The following WNT7B variants were observed in gnomAD, a reference collection of about 807,000 sequenced individuals.
WNT7B encodes protein Wnt-7b.
A neutral mutation model predicts 38.2 loss-of-function variants in WNT7B; 19 were observed. The observed-to-expected ratio is 0.50, with a 90% CI of 0.35 to 0.73. The LOEUF is 0.73. WNT7B is among the 30% of genes least tolerant of loss of function. WNT7B has a pLI of 0.01. For synonymous variants in WNT7B, 243 were observed against 209.3 expected (o/e 1.16, Z -1.39); for missense variants, 423 against 507.9 (o/e 0.83, Z 1.61).
intron 2 of WNT7B, among the ~76,000 whole-genome samples, chr22:45,932,703 C>G (rs920207351): frequency 1.3e-5 from 2 of 152,192 alleles, no homozygotes; most frequent in Admixed American, 1.3e-4. Context: ...ATGTGGACAC[C>G]GAGCAGGCTC....
At chr22:45,955,401 C>A (rs1438275622) in intron 1 of WNT7B, among the ~76,000 whole-genome samples, 1 of 152,198 alleles carries the variant, frequency 6.6e-6, no homozygotes, top group African/African-American at 2.4e-5. Context: ...GAGAGCCGTG[C>A]GGGTAGTGTG....
rs148270201 is a variant in WNT7B at position 45,935,762 on chromosome 22, T to A, written c.299-4393A>T. ...GACAGCCCCATTCTGATCAGACCCATTTCACAGATGGGAAAACCGAGCCTT... is the reference window on the plus strand; with the variant it reads ...GACAGCCCCATTCTGATCAGACCCAATTCACAGATGGGAAAACCGAGCCTT... On this transcript the variant is annotated intron_variant, in intron 2 of 3. Transcript: ENST00000339464. 8.9e-5 allele frequency: 86 copies of A among 964,488 alleles called. 1 individual carries two copies. The East Asian group carries it at 7.1e-3, about 80-fold the overall frequency. 59.7% of individuals were successfully genotyped at this position (964,488 alleles called of 1,614,324 possible). A position where few individuals can be genotyped will look rare whatever the true frequency, so the allele number is the denominator to read the frequency against.
chr22:45,942,764 G>A (rs28716201), intron 2 of WNT7B, among the ~76,000 whole-genome samples: 5 of 152,226 alleles, frequency 3.3e-5, no homozygotes, highest in African/African-American at 1.2e-4. Context: ...TGCTGGATGC[G>A]TCTGGGCCGC....
intron 3 of WNT7B, among the ~76,000 whole-genome samples, chr22:45,929,653 C>CCATT (rs201426130): frequency 0.014 from 1,755 of 121,896 alleles, 48 homozygotes; most frequent in African/African-American, 0.054. Flanking sequence ...CTCATCCATC[C>CCATT]TTCCACCCAC....
chr22:45,928,118 C>G (rs1190423898), intron 3 of WNT7B, among the ~76,000 whole-genome samples: 1 of 152,190 alleles, frequency 6.6e-6, no homozygotes, highest in Non-Finnish European at 1.5e-5. Flanking sequence ...AACAGGTGTC[C>G]TTTGCTCTAA....
At position 45,966,706 on chromosome 22, in the gene WNT7B, C is replaced by T. The variant is rs147415746; in HGVS notation, c.71+9978G>A. On this transcript the variant is annotated intron_variant, in intron 1 of 3. Transcript: ENST00000339464. The surrounding 1 kb of genome is among the most constrained non-coding windows in gnomAD (Gnocchi z 4.2). The stretch of plus-strand genomic sequence containing the variant: ...CTGCACACAGCCTCAGACCCAGCCT[C>T]GTGGCAGCTCCAGCACCTCAGCTGC... Among the ~76,000 whole-genome samples, 1,581 of 152,312 alleles carry T rather than the reference C, an allele frequency of 0.01. 28 individuals carry two copies. The highest frequency in any genetic ancestry group is 0.036 in the African/African-American group (1,476 of 41,568).
intron 1 of WNT7B, among the ~76,000 whole-genome samples, chr22:45,963,440 C>T (rs1849832558): frequency 6.6e-6 from 1 of 152,158 alleles, no homozygotes. Flanking sequence ...ATGGAGCCTT[C>T]AGAACTCCAG....
At chr22:45,941,785 C>T (rs371465203) in intron 2 of WNT7B, among the ~76,000 whole-genome samples, 40 of 152,372 alleles carry the variant, frequency 2.6e-4, no homozygotes, top group African/African-American at 9.6e-4. Flanking sequence ...GCTCCGTGAC[C>T]CTGGCCAAGG....
At chr22:45,943,967 C>T (rs1205568741) in intron 2 of WNT7B, among the ~76,000 whole-genome samples, 7 of 152,176 alleles carry the variant, frequency 4.6e-5, no homozygotes, top group Admixed American at 3.3e-4. Flanking sequence ...ACGGAACCCA[C>T]GTGGGAAGCT....
intron 3 of WNT7B, among the ~76,000 whole-genome samples, chr22:45,928,853 ATACCGCATAC>A (rs142656911): frequency 0.23 from 35,058 of 152,048 alleles, 4,265 homozygotes; most frequent in Admixed American, 0.34. Context: ...TGGTTTCCCC[ATACCGCATAC>A]CACGACATAC....
chr22:45,954,113 G>A (rs751172448), intron 1 of WNT7B, among the ~76,000 whole-genome samples: 5 of 152,176 alleles, frequency 3.3e-5, no homozygotes, highest in Non-Finnish European at 5.9e-5. Flanking sequence ...GCCACGGCAT[G>A]GAGGAACCTC....
chr22:45,955,795 C>T (rs1241267501), intron 1 of WNT7B, among the ~76,000 whole-genome samples: 1 of 152,150 alleles, frequency 6.6e-6, no homozygotes, highest in South Asian at 2.1e-4. Context: ...GAGTTTAGCC[C>T]TGCAGACAAG....
Position 45,920,660 on chromosome 22 carries a change from T to C in WNT7B, c.*2196A>G, listed in dbSNP as rs1006722768. 2.4e-5 allele frequency: 1 copy of C among 42,426 alleles called. No homozygotes were observed. Among genetic ancestry groups the C allele is most frequent in the Non-Finnish European group, 4.2e-5 (1 of 23,538 alleles). The allele number at this position is 42,426 out of a possible 1,614,324, so 2.6% of individuals were successfully genotyped here. ...TGGGGGATGGGATGGGGGGTGGGTA[T>C]GGGGAATAGGGATGAGGGATGGGAT... On this transcript the variant is annotated 3_prime_UTR_variant, in exon 4 of 4. Transcript: ENST00000339464.
chr22:45,926,183 A>G (rs941626760), intron 3 of WNT7B: 34 of 985,286 alleles, frequency 3.5e-5, no homozygotes, highest in Admixed American at 6.1e-5. Flanking sequence ...AAGTGATCAC[A>G]GGGTTCAAGA....
chr22:45,961,913 C>A (rs1039824741), intron 1 of WNT7B, among the ~76,000 whole-genome samples: 1 of 152,160 alleles, frequency 6.6e-6, no homozygotes, highest in Non-Finnish European at 1.5e-5. Context: ...AACTGGCCTG[C>A]TGGTGGGTGG....
At chr22:45,929,606 ACCTG>A in intron 3 of WNT7B, among the ~76,000 whole-genome samples, 1 of 145,730 alleles carries the variant, frequency 6.9e-6, no homozygotes, top group African/African-American at 2.6e-5. Context: ...GCATCCATCC[ACCTG>A]CCCATACACC....
intron 1 of WNT7B, among the ~76,000 whole-genome samples, chr22:45,964,692 A>G (rs1240605174): frequency 6.6e-6 from 1 of 152,114 alleles, no homozygotes; most frequent in Non-Finnish European, 1.5e-5. Context: ...CCCCTGGGCA[A>G]TCGGCCGTGA....
In WNT7B at chr22:45,951,657, T is replaced by A. The variant is rs1466337033; in HGVS notation, c.72-1511A>T. The stretch of plus-strand genomic sequence containing the variant: ...CATTCATTGTGTGACCTTTGGCGTC[T>A]GGCTTCTTTCACTTAGCGTCGTGTT... On this transcript the variant is annotated intron_variant, in intron 1 of 3. Coordinates refer to ENST00000339464, the MANE Select transcript of WNT7B (RefSeq NM_058238.3). The surrounding 1 kb of genome is among the most constrained non-coding windows in gnomAD (Gnocchi z 4.8). 2.0e-5 allele frequency among the ~76,000 whole-genome samples: 3 copies of A among 152,214 alleles called. No individual in the cohort carries two copies. Among genetic ancestry groups the A allele is most frequent in the Admixed American group, 6.5e-5 (1 of 15,284 alleles).
At chr22:45,956,136 C>T (rs1932055116) in intron 1 of WNT7B, among the ~76,000 whole-genome samples, 3 of 152,174 alleles carry the variant, frequency 2.0e-5, no homozygotes, top group Admixed American at 1.3e-4. Context: ...AGCCAGGTAC[C>T]AGGCCAGCCC....
Sources: gnomAD v4.1 joint callset for allele counts (sites outside exome capture counted in the v4.1 genomes callset) on GRCh38, gnomAD v4.1.1 for gene constraint, Gnocchi (gnomAD v3.1) non-coding constraint, MANE v1.5 for transcripts, NCBI Gene and HGNC (gene_info 2026-07-23, HGNC 2026-07-21) for gene names.